Variants in TXNDC8 observed in about 807,000 individuals in gnomAD.
TXNDC8 encodes the protein thioredoxin domain-containing protein 8.
Under a neutral mutation model 12.9 loss-of-function variants are expected in TXNDC8, and 15 were observed. The observed-to-expected ratio is 1.16, with a 90% CI of 0.78 to 1.79. The LOEUF is 1.79. TXNDC8 is among the 40% of genes most tolerant of loss of function. TXNDC8 has a pLI of 0.00. For synonymous variants in TXNDC8, 40 were observed against 35.4 expected, an observed-to-expected ratio of 1.13 and a Z score of -0.46; for missense variants, 128 against 113.2, an observed-to-expected ratio of 1.13 and a Z score of -0.59.
At chr9:110,308,233 T>C (rs1838532921) in intron 3 of TXNDC8, among the ~76,000 whole-genome samples, 1 of 152,222 alleles carries the variant, frequency 6.6e-6, no homozygotes, top group African/African-American at 2.4e-5. Flanking sequence ...TTTTACTTGC[T>C]TCCAACAAGG....
intron 3 of TXNDC8, among the ~76,000 whole-genome samples, chr9:110,311,458 T>G (rs1344186333): frequency 7.4e-6 from 1 of 134,992 alleles, no homozygotes; most frequent in Non-Finnish European, 1.6e-5. Flanking sequence ...AGGTTATGTA[T>G]AAAACAAGGT....
chr9:110,328,277 A>G (rs1279814569), intron 2 of TXNDC8, among the ~76,000 whole-genome samples: 1 of 152,198 alleles, frequency 6.6e-6, no homozygotes, highest in African/African-American at 2.4e-5. Flanking sequence ...AGATGTTTAA[A>G]ATAATAATTT....
intron 3 of TXNDC8, among the ~76,000 whole-genome samples, chr9:110,315,298 A>C (rs1026704941): frequency 9.2e-5 from 14 of 151,916 alleles, no homozygotes; most frequent in Admixed American, 8.5e-4. Flanking sequence ...GGGTTTTGCC[A>C]TGTTGGCCAG....
intron 2 of TXNDC8, among the ~76,000 whole-genome samples, chr9:110,329,945 C>T (rs975061126): frequency 4.6e-5 from 7 of 152,162 alleles, no homozygotes; most frequent in African/African-American, 1.7e-4. Flanking sequence ...GAAGAAGTAA[C>T]TCCCTCCTAC....
rs751009421 is a variant in TXNDC8 at position 110,303,551 on chromosome 9, T to G, written c.*131A>C. ...TTAATTCTTGAGTCTTGGCTTCCAA[T>G]TTTTTAGCATCGGCTCCACAAAACT... On this transcript the variant is annotated 3_prime_UTR_variant, in exon 5 of 5. Transcript: ENST00000423740. 3 of 1,530,430 alleles carry G rather than the reference T, an allele frequency of 2.0e-6. No individual in the cohort carries two copies. Among genetic ancestry groups the G allele is most frequent in the Admixed American group, 4.0e-5 (2 of 50,182 alleles). The allele number at this position is 1,530,430 out of a possible 1,614,324, so 94.8% of individuals were successfully genotyped here.
At chr9:110,323,000 C>G in intron 3 of TXNDC8, 1 of 985,272 alleles carries the variant, frequency 1.0e-6, no homozygotes, top group Non-Finnish European at 1.2e-6. Flanking sequence ...TAGATTGGGT[C>G]AAAATTATGG....
intron 3 of TXNDC8, among the ~76,000 whole-genome samples, chr9:110,322,122 T>C (rs1839122224): frequency 6.6e-6 from 1 of 152,194 alleles, no homozygotes; most frequent in Non-Finnish European, 1.5e-5. Flanking sequence ...AAAGATATGA[T>C]TACGATGTAC....
chr9:110,333,950 T>C (rs916138985), intron 2 of TXNDC8, among the ~76,000 whole-genome samples: 1 of 152,244 alleles, frequency 6.6e-6, no homozygotes, highest in Non-Finnish European at 1.5e-5. Context: ...ATATGAAGAA[T>C]CCATTAATTT....
intron 1 of TXNDC8, among the ~76,000 whole-genome samples, chr9:110,336,769 AG>A (rs988460247): frequency 2.0e-5 from 3 of 152,316 alleles, no homozygotes; most frequent in Non-Finnish European, 4.4e-5. Flanking sequence ...GAAAATAAAA[AG>A]AAAATGAAGT....
At chr9:110,336,944 A>C (rs1005643587) in intron 1 of TXNDC8, among the ~76,000 whole-genome samples, 1 of 152,194 alleles carries the variant, frequency 6.6e-6, no homozygotes, top group Non-Finnish European at 1.5e-5. Flanking sequence ...GCTCCAGGCT[A>C]TTCTGTGACA....
At position 110,334,211 on chromosome 9, in the gene TXNDC8, C is replaced by T. The variant is rs753571451; in HGVS notation, c.129+5G>A. On this transcript the variant is annotated splice_donor_5th_base_variant and intron_variant, in intron 2 of 4. Coordinates refer to ENST00000423740, the MANE Select transcript of TXNDC8 (RefSeq NM_001286946.2). ...AACTATGAGATATATACTGGTTGTA[C>T]TCACATGGAAAACAGGAAACATCCT... The T allele has an allele frequency of 1.2e-6, 2 of 1,605,834 alleles. No individual in the cohort carries two copies. The highest frequency in any genetic ancestry group is 1.7e-6 in the Non-Finnish European group (2 of 1,173,024).
At chr9:110,309,068 T>C (rs1838564907) in intron 3 of TXNDC8, among the ~76,000 whole-genome samples, 1 of 152,228 alleles carries the variant, frequency 6.6e-6, no homozygotes, top group African/African-American at 2.4e-5. Context: ...TCGTAGGAAG[T>C]TGTTAAGGAT....
intron 3 of TXNDC8, among the ~76,000 whole-genome samples, chr9:110,314,501 C>T (rs1195273541): frequency 1.4e-5 from 2 of 147,726 alleles, no homozygotes; most frequent in East Asian, 2.0e-4. Context: ...GGCGCGATCT[C>T]GGCTCACTGC....
intron 1 of TXNDC8, among the ~76,000 whole-genome samples, 153 bp downstream of exon 1, chr9:110,337,620 G>C (rs549641371): frequency 1.6e-3 from 247 of 152,264 alleles, no homozygotes; most frequent in Middle Eastern, 3.4e-3. Context: ...CATCCCTCAA[G>C]GAACAAGATA....
intron 3 of TXNDC8, among the ~76,000 whole-genome samples, chr9:110,319,957 G>T (rs997899155): frequency 5.9e-5 from 9 of 152,208 alleles, no homozygotes; most frequent in Non-Finnish European, 1.2e-4. Context: ...TGATAGCTCA[G>T]TCTAGCAGAT....
intron 3 of TXNDC8, among the ~76,000 whole-genome samples, chr9:110,311,798 CTATA>C (rs201493660): frequency 8.1e-6 from 1 of 123,012 alleles, no homozygotes; most frequent in East Asian, 2.2e-4. Context: ...ATACTATATA[CTATA>C]TATACTATAT....
intron 1 of TXNDC8, among the ~76,000 whole-genome samples, chr9:110,336,893 G>A (rs1587999440): frequency 6.6e-6 from 1 of 152,292 alleles, no homozygotes; most frequent in African/African-American, 2.4e-5. Context: ...CCTCTGGAAA[G>A]GTCCCTGGGG....
At chr9:110,310,796 T>A (rs934342677) in intron 3 of TXNDC8, among the ~76,000 whole-genome samples, 3 of 152,244 alleles carry the variant, frequency 2.0e-5, no homozygotes, top group African/African-American at 7.2e-5. Flanking sequence ...ATTTCATACT[T>A]ATCCCTGCTA....
Position 110,326,201 on chromosome 9 carries a change from A to G in TXNDC8, c.169T>C (p.Phe57Leu), listed in dbSNP as rs1455075498. ...TTCTGGCTTTTCTTGAACATCTGAA[A>G]TGTGGGTATTGTTTTGATGTGACAA... Residue 57 changes from phenylalanine to leucine, a missense_variant, in exon 3 of 5, where the codon TTT becomes CTT. Transcript: ENST00000423740. 2 of 1,614,046 alleles carry G rather than the reference A, an allele frequency of 1.2e-6. No homozygotes were observed. The highest frequency in any genetic ancestry group is 1.1e-5 in the South Asian group (1 of 91,082).
Sources: allele counts gnomAD v4.1 joint callset (sites outside exome capture counted in the v4.1 genomes callset), GRCh38; gene constraint gnomAD v4.1.1; transcripts MANE v1.5; gene names NCBI Gene and HGNC (gene_info 2026-07-23, HGNC 2026-07-21).